VPS53: variants seen among roughly 807,000 people sequenced by gnomAD.
VPS53 encodes VPS53 subunit of GARP complex, also known as vacuolar protein sorting-associated protein 53 homolog.
VPS53 carries 70 observed loss-of-function variants against 107.0 expected under a neutral mutation model. That is an observed-to-expected ratio of 0.65 (90% confidence interval 0.54 to 0.80). The LOEUF is 0.80. Among genes scored for constraint, VPS53 ranks in the 30% least tolerant of loss-of-function variants. The pLI is 0.00. For missense variants in VPS53, 917 were observed against 1,049.4 expected (o/e 0.87, Z 1.74); for synonymous variants, 409 against 393.3 (o/e 1.04, Z -0.47).
intron 4 of VPS53, among the ~76,000 whole-genome samples, chr17:662,873 C>G (rs143549270): frequency 0.036 from 3,453 of 96,628 alleles, 53 homozygotes; most frequent in African/African-American, 0.054. Flanking sequence ...AAGGAAGGAA[C>G]GAAGGAAGGA....
At chr17:685,163 G>A (rs1972542876) in intron 4 of VPS53, 1 of 152,154 alleles carries the variant, frequency 6.6e-6, no homozygotes, top group African/African-American at 2.4e-5. Context: ...GGGCAGCTTT[G>A]AGTCTGAGAG....
At chr17:662,086 C>T (rs1427686292) in intron 4 of VPS53, among the ~76,000 whole-genome samples, 191 bp from the exon 5 acceptor site, 2 of 152,166 alleles carry the variant, frequency 1.3e-5, no homozygotes, top group East Asian at 3.8e-4. Context: ...GGTAAACACT[C>T]GGGACTCTTA....
rs556439454 is a variant in VPS53 at position 688,547 on chromosome 17, C to T, written c.285+8871G>A. On this transcript the variant is annotated intron_variant, in intron 4 of 21. Transcript: ENST00000437048. ...GGTAGTGAGGCCAAACCCAGTTGCA[C>T]TACATTGTTAAACAGTTAACGGACA... Among the ~76,000 whole-genome samples, 7 of 152,288 alleles carry T rather than the reference C, an allele frequency of 4.6e-5. No homozygotes were observed. In the East Asian group the frequency reaches 1.2e-3, roughly 25 times the overall value.
At chr17:536,165 C>T (rs1309569280) in intron 18 of VPS53, among the ~76,000 whole-genome samples, 2 of 152,314 alleles carry the variant, frequency 1.3e-5, no homozygotes, top group East Asian at 3.9e-4. Flanking sequence ...AATGGCCACA[C>T]ACAAGACACA....
intron 13 of VPS53, among the ~76,000 whole-genome samples, chr17:576,168 C>G (rs1914591827): frequency 6.6e-6 from 1 of 152,078 alleles, no homozygotes; most frequent in South Asian, 2.1e-4. Flanking sequence ...CCCTCAGAAC[C>G]TAATGTGTTC....
chr17:618,610 C>G (rs1482674273), intron 11 of VPS53, among the ~76,000 whole-genome samples: 1 of 151,616 alleles, frequency 6.6e-6, no homozygotes, highest in African/African-American at 2.4e-5. Flanking sequence ...ACCACCATGC[C>G]CAGCTAATAT....
At chr17:522,170 G>A (rs1365939200) in intron 19 of VPS53, among the ~76,000 whole-genome samples, 6 of 152,116 alleles carry the variant, frequency 3.9e-5, no homozygotes, top group African/African-American at 9.7e-5. Context: ...TGGGTGGATC[G>A]CTTAAGCCTG....
At chr17:589,437 T>G (rs1428374813) in intron 12 of VPS53, among the ~76,000 whole-genome samples, 1 of 152,120 alleles carries the variant, frequency 6.6e-6, no homozygotes. Context: ...AAATATATAC[T>G]AAAATATTTA....
At chr17:540,269 G>C (rs886439573) in intron 17 of VPS53, 2 of 152,052 alleles carry the variant, frequency 1.3e-5, no homozygotes, top group Non-Finnish European at 2.9e-5. Context: ...CTGCAGCCTT[G>C]ACTTCCTGGG....
chr17:686,739 C>G (rs1023523726), intron 4 of VPS53, among the ~76,000 whole-genome samples: 2 of 152,238 alleles, frequency 1.3e-5, no homozygotes, highest in African/African-American at 2.4e-5. Flanking sequence ...TACCTGGATG[C>G]ACGGAACTAG....
chr17:583,418 T>C (rs929327102), intron 13 of VPS53, among the ~76,000 whole-genome samples: 1 of 147,972 alleles, frequency 6.8e-6, no homozygotes, highest in Non-Finnish European at 1.5e-5. Flanking sequence ...CAGGACCTAA[T>C]GCATTCCCAG....
intron 17 of VPS53, among the ~76,000 whole-genome samples, chr17:541,991 A>T (rs1910725105): frequency 6.6e-6 from 1 of 150,420 alleles, no homozygotes; most frequent in African/African-American, 2.5e-5. Flanking sequence ...CCTACCATGC[A>T]CCAGGGGCTG....
At chr17:563,711 G>A (rs1055812437) in intron 13 of VPS53, among the ~76,000 whole-genome samples, 9 of 152,196 alleles carry the variant, frequency 5.9e-5, no homozygotes, top group Admixed American at 3.3e-4. Context: ...CAAGAAAACA[G>A]GAGAGCCACG....
In VPS53 at chr17:678,180, T is replaced by C. The variant is rs117933899; in HGVS notation, c.286-16285A>G. ...CCTGAAGTCCCAGCACTTTGAGAGG[T>C]CAAATGAGGCAGGCGGACTGCCTGA... is the stretch of plus-strand genomic sequence containing the variant. On this transcript the variant is annotated intron_variant, in intron 4 of 21. Transcript: ENST00000437048. Among the ~76,000 whole-genome samples, 315 of 151,900 alleles carry C rather than the reference T, an allele frequency of 2.1e-3. 9 individuals carry two copies. The East Asian group carries it at 0.056, about 27-fold the overall frequency.
intron 4 of VPS53, among the ~76,000 whole-genome samples, chr17:695,741 A>G (rs1396786071): frequency 6.6e-6 from 1 of 151,996 alleles, no homozygotes; most frequent in African/African-American, 2.4e-5. Flanking sequence ...TTGAAGATGC[A>G]GGGTTTTGTC....
chr17:555,376 C>T (rs908797824), intron 15 of VPS53, among the ~76,000 whole-genome samples: 4 of 152,250 alleles, frequency 2.6e-5, no homozygotes, highest in Non-Finnish European at 5.9e-5. Context: ...CTAAGCCCTC[C>T]AGGCTCCTCA....
intron 14 of VPS53, 49 bp downstream of exon 14, chr17:562,454 A>T: frequency 6.2e-7 from 1 of 1,602,104 alleles, no homozygotes; most frequent in Non-Finnish European, 8.5e-7. Flanking sequence ...TAAGATTCCC[A>T]TATTTAGGTC....
At chr17:550,191 C>T (rs1455182389) in intron 17 of VPS53, among the ~76,000 whole-genome samples, 1 of 152,154 alleles carries the variant, frequency 6.6e-6, no homozygotes, top group African/African-American at 2.4e-5. Flanking sequence ...GTCACGTTGG[C>T]CCAGACAGGT....
chr17:629,190 T>C (rs1969838688), intron 8 of VPS53, among the ~76,000 whole-genome samples: 1 of 152,240 alleles, frequency 6.6e-6, no homozygotes, highest in African/African-American at 2.4e-5. Context: ...ATAAGCTGCC[T>C]GAGACCTGAG....
Sources: gnomAD v4.1 joint callset for allele counts (sites outside exome capture counted in the v4.1 genomes callset) on GRCh38, gnomAD v4.1.1 for gene constraint, MANE v1.5 for transcripts, NCBI Gene and HGNC (gene_info 2026-07-23, HGNC 2026-07-21) for gene names.